TRPM7: variants seen among roughly 807,000 people sequenced by gnomAD.
The protein encoded by TRPM7 is transient receptor potential cation channel subfamily M member 7, also known as LTRPC ion channel family member 7.
A neutral mutation model predicts 229.7 loss-of-function variants in TRPM7; 134 were observed. The observed-to-expected ratio is 0.58, with a 90% CI of 0.51 to 0.67. The LOEUF (loss-of-function observed/expected upper bound fraction) is 0.67. Ranked by LOEUF, TRPM7 falls within the 30% of genes least tolerant of loss-of-function variation. TRPM7 has a pLI of 0.00. For synonymous variants in TRPM7, 699 were observed against 715.2 expected (o/e 0.98, Z 0.36); for missense variants, 1,901 against 2,210.0 (o/e 0.86, Z 2.80).
intron 2 of TRPM7, among the ~76,000 whole-genome samples, chr15:50,660,542 C>T (rs1383573264): frequency 6.6e-6 from 1 of 152,134 alleles, no homozygotes; most frequent in Non-Finnish European, 1.5e-5. Context: ...ATAGTCCCAG[C>T]TACTCAGGTA....
intron 36 of TRPM7, among the ~76,000 whole-genome samples, chr15:50,573,660 T>C (rs1445289456): frequency 3.3e-5 from 5 of 152,244 alleles, no homozygotes; most frequent in Non-Finnish European, 7.3e-5. Flanking sequence ...TTTGTTATTT[T>C]TAAAGAAACG....
At chr15:50,664,926 C>G (rs2061841477) in intron 1 of TRPM7, among the ~76,000 whole-genome samples, 1 of 152,282 alleles carries the variant, frequency 6.6e-6, no homozygotes, top group African/African-American at 2.4e-5. Flanking sequence ...GATCACACCA[C>G]TGCAATCCAG....
intron 4 of TRPM7, 148 bp from the exon 5 acceptor site, chr15:50,643,701 G>A (rs989470731): frequency 2.3e-5 from 14 of 608,236 alleles, no homozygotes; most frequent in Non-Finnish European, 4.0e-5. Flanking sequence ...ATACTCCAAG[G>A]AATAAGCAAT....
At chr15:50,623,285 G>A (rs1423459224) in intron 12 of TRPM7, among the ~76,000 whole-genome samples, 1 of 151,770 alleles carries the variant, frequency 6.6e-6, no homozygotes, top group Non-Finnish European at 1.5e-5. Flanking sequence ...AGTGGCACAC[G>A]CCTGTAGTCC....
chr15:50,650,192 CAAAAAAAAAAAA>C (rs59579538), intron 3 of TRPM7, among the ~76,000 whole-genome samples: 14 of 62,292 alleles, frequency 2.2e-4, no homozygotes, highest in South Asian at 6.7e-4. Flanking sequence ...GACTTTGTCT[CAAAAAAAAAAAA>C]AAAAAAAAAA....
chr15:50,684,224 C>T lies in TRPM7; in HGVS notation c.3+2307G>A, dbSNP rs1028196707. On this transcript the variant is annotated intron_variant, in intron 1 of 38. Coordinates refer to ENST00000646667, the MANE Select transcript of TRPM7 (RefSeq NM_017672.6). ...CTGTAGTGCAGTGGCAGGATCTCCG[C>T]TTACTGCAACCTCCACCTCCCAGGT... 5.3e-5 allele frequency among the ~76,000 whole-genome samples: 8 copies of T among 151,832 alleles called. 1 individual carries two copies. Among genetic ancestry groups the T allele is most frequent in the African/African-American group, 1.9e-4 (8 of 41,318 alleles).
chr15:50,595,262 T>A (rs1319245782), intron 23 of TRPM7, among the ~76,000 whole-genome samples: 1 of 151,196 alleles, frequency 6.6e-6, no homozygotes, highest in Non-Finnish European at 1.5e-5. Context: ...ATACTCAGTG[T>A]GGGCCGAGTT....
intron 2 of TRPM7, among the ~76,000 whole-genome samples, chr15:50,661,559 G>A (rs886317816): frequency 2.0e-5 from 3 of 151,736 alleles, no homozygotes; most frequent in African/African-American, 7.3e-5. Context: ...TTTTTAAAAT[G>A]TTAAAATAAA....
chr15:50,557,510 A>G lies in TRPM7; in HGVS notation c.*4168T>C, dbSNP rs1001491088. ...TTTATATTTTTCTTCACATTTAAAA[A>G]TATTTTCTAAACAATCCAATATAAT... is the stretch of plus-strand genomic sequence containing the variant. On this transcript the variant is annotated 3_prime_UTR_variant, in exon 39 of 39. Transcript: ENST00000646667. 6.6e-6 allele frequency: 1 copy of G among 152,250 alleles called. No individual in the cohort carries two copies. Among genetic ancestry groups the G allele is most frequent in the African/African-American group, 2.4e-5 (1 of 41,464 alleles). 9.4% of individuals were successfully genotyped at this position (152,250 alleles called of 1,614,324 possible).
intron 4 of TRPM7, among the ~76,000 whole-genome samples, chr15:50,643,853 G>C (rs2061181491): frequency 6.6e-6 from 1 of 152,128 alleles, no homozygotes. Flanking sequence ...AGTACCTGCA[G>C]TATTTATTGC....
In TRPM7 at chr15:50,570,161, T is replaced by A. The variant is rs1304830335; in HGVS notation, c.5309-6A>T. 1.9e-6 allele frequency: 3 copies of A among 1,582,208 alleles called. No individual in the cohort carries two copies. Among genetic ancestry groups the A allele is most frequent in the Non-Finnish European group, 1.7e-6 (2 of 1,162,212 alleles). On this transcript the variant is annotated splice_region_variant and splice_polypyrimidine_tract_variant and intron_variant, in intron 36 of 38. Transcript: ENST00000646667. ...AGTCAAATTTTCACCAACACCTTTA[T>A]ATGTGTATATAAAAAAGACAAATAA...
intron 38 of TRPM7, among the ~76,000 whole-genome samples, chr15:50,563,804 AT>A (rs2053438495): frequency 6.6e-6 from 1 of 152,056 alleles, no homozygotes; most frequent in Non-Finnish European, 1.5e-5. Flanking sequence ...ATTTTTTTGC[AT>A]TTTTTTAAGC....
intron 22 of TRPM7, among the ~76,000 whole-genome samples, chr15:50,598,853 C>T (rs1470075198): frequency 6.6e-6 from 1 of 152,172 alleles, no homozygotes; most frequent in Non-Finnish European, 1.5e-5. Flanking sequence ...CTAGACCTAG[C>T]TCAATATTGT....
Position 50,594,442 on chromosome 15 carries a change from A to T in TRPM7, c.3462T>A (p.Thr1154=). The part of the protein sequence containing the change: ...CICKRRKKDK[T]SDGPKLFLTE... Reference sequence around the variant, plus strand: ...TAGTTTACTTACTTGGTCCATCGGAAGTCTTATCTTTCTTTCTTCTCTTAC... The same window carrying T: ...TAGTTTACTTACTTGGTCCATCGGATGTCTTATCTTTCTTTCTTCTCTTAC... Residue 1154 remains threonine (T), a synonymous_variant, in exon 24 of 39, where the codon ACT becomes ACA. Transcript: ENST00000646667. 6.2e-7 allele frequency: 1 copy of T among 1,609,916 alleles called. No homozygotes were observed. Among genetic ancestry groups the T allele is most frequent in the Non-Finnish European group, 8.5e-7 (1 of 1,178,790 alleles).
In TRPM7 at chr15:50,639,958, T is replaced by C. The variant is rs140744244; in HGVS notation, c.536-410A>G. The stretch of plus-strand genomic sequence containing the variant: ...GGTCATAGCCAAACCTACAGAAGAA[T>C]ACACAAGGACCAAAAAGGAACAAAA... On this transcript the variant is annotated intron_variant, in intron 5 of 38. Transcript: ENST00000646667. Among the ~76,000 whole-genome samples, 620 of 152,110 alleles carry C rather than the reference T, an allele frequency of 4.1e-3. 5 individuals carry two copies. The highest frequency in any genetic ancestry group is 0.014 in the African/African-American group (585 of 41,492).
At position 50,643,537 on chromosome 15, in the gene TRPM7, T is replaced by C; in HGVS notation, c.338A>G (p.Tyr113Cys). ...CAGAATGACTTCAGGTTTGGTGTCATATGATAGCCTCACATACTAGAAAAA... is the reference window on the plus strand; with the variant it reads ...CAGAATGACTTCAGGTTTGGTGTCACATGATAGCCTCACATACTAGAAAAA... ...SYRAKYVRLS[Y>C]DTKPEVILQL... The change falls in exon 5 of 39, where the codon TAT becomes TGT. Residue 113 changes from tyrosine to cysteine, a missense_variant. Physicochemically the swap from Tyr to Cys is radical, Grantham distance 194 (BLOSUM62 -2). Transcript: ENST00000646667. 1.2e-6 allele frequency: 2 copies of C among 1,614,018 alleles called. No individual in the cohort carries two copies. Among genetic ancestry groups the C allele is most frequent in the South Asian group, 1.1e-5 (1 of 91,070 alleles).
rs2061171216 is a variant in TRPM7 at position 50,643,621 on chromosome 15, T to C, written c.322-68A>G. On this transcript the variant is annotated intron_variant, in intron 4 of 38. Transcript: ENST00000646667. ...ACAGGTTTCATAATGTGACATTATA[T>C]GACTTTGGAAAATTTTATATGAATC... 6 of 1,336,726 alleles carry C rather than the reference T, an allele frequency of 4.5e-6. No individual in the cohort carries two copies. In the South Asian group the frequency reaches 6.4e-5, roughly 14 times the overall value. The allele number at this position is 1,336,726 out of a possible 1,614,324, so 82.8% of individuals were successfully genotyped here.
chr15:50,589,610 G>C lies in TRPM7; in HGVS notation c.4371C>G (p.Asn1457Lys). ...TACTTACGGATAGTATTTTTATCTT[G>C]TTTGATGTTTCTTTAAACCTCTGTA... ...MDLQRFKETS[N>K]KIKILSNNNT... The change falls in exon 27 of 39, where the codon AAC (asparagine) becomes AAG (lysine). Residue 1457 changes from asparagine (N) to lysine (K), a missense_variant. Asn to Lys is a moderately conservative substitution (Grantham distance 94). Coordinates refer to ENST00000646667, the MANE Select transcript of TRPM7 (RefSeq NM_017672.6). 1 of 1,585,840 alleles carries C rather than the reference G, an allele frequency of 6.3e-7. No individual in the cohort carries two copies. Among genetic ancestry groups the C allele is most frequent in the Non-Finnish European group, 8.6e-7 (1 of 1,158,684 alleles).
intron 7 of TRPM7, among the ~76,000 whole-genome samples, chr15:50,636,135 A>G (rs2060898822): frequency 6.6e-6 from 1 of 151,884 alleles, no homozygotes; most frequent in South Asian, 2.1e-4. Context: ...CTTGCGGTGC[A>G]CAGAGAAAAT....
Sources: gnomAD v4.1 joint callset for allele counts (sites outside exome capture counted in the v4.1 genomes callset) on GRCh38, gnomAD v4.1.1 for gene constraint, MANE v1.5 for transcripts, NCBI Gene and HGNC (gene_info 2026-07-23, HGNC 2026-07-21) for gene names.